Variants in BACE2 observed in about 807,000 individuals in gnomAD.
BACE2 encodes 56 kDa aspartic-like protease.
Under a neutral mutation model 46.2 loss-of-function variants are expected in BACE2, and 17 were observed. That is an observed-to-expected ratio of 0.37 (90% confidence interval 0.25 to 0.55). The LOEUF (loss-of-function observed/expected upper bound fraction) is 0.55. Among genes scored for constraint, BACE2 ranks in the 20% least tolerant of loss-of-function variants. The pLI is 0.82. For synonymous variants in BACE2, 277 were observed against 295.9 expected (o/e 0.94, Z 0.66); for missense variants, 595 against 698.1 (o/e 0.85, Z 1.66).
intron 8 of BACE2, among the ~76,000 whole-genome samples, chr21:41,259,128 C>T (rs944244356): frequency 3.3e-5 from 5 of 152,190 alleles, no homozygotes; most frequent in Non-Finnish European, 7.3e-5. Context: ...TTTGTTTTCT[C>T]AGTGAATTAC....
In BACE2 at chr21:41,281,288, A is replaced by G. The variant is rs1482592916; in HGVS notation, c.*5664A>G. On this transcript the variant is annotated 3_prime_UTR_variant, in exon 9 of 9. Transcript: ENST00000330333. ...GTAGATTTATAATTAGAAATGACAG[A>G]TTTATAATATAGACTTCAGTAAGTT... The G allele has an allele frequency of 6.6e-6, 1 of 152,228 alleles. No individual in the cohort carries two copies. The highest frequency in any genetic ancestry group is 2.4e-5 in the African/African-American group (1 of 41,460). The allele number at this position is 152,228 out of a possible 1,614,324, so 9.4% of individuals were successfully genotyped here. A position where few individuals can be genotyped will look rare whatever the true frequency, so the allele number is the denominator to read the frequency against.
chr21:41,216,662 A>C (rs1196756166), intron 1 of BACE2, among the ~76,000 whole-genome samples: 1 of 152,202 alleles, frequency 6.6e-6, no homozygotes, highest in East Asian at 1.9e-4. Flanking sequence ...GGAGGGAAGC[A>C]GGGTGAAGCG....
chr21:41,242,430 C>T (rs1043132248), intron 4 of BACE2, among the ~76,000 whole-genome samples: 4 of 152,134 alleles, frequency 2.6e-5, no homozygotes, highest in Non-Finnish European at 5.9e-5. Flanking sequence ...GTCAGCACTA[C>T]GGAGGTGCTG....
At position 41,237,498 on chromosome 21, in the gene BACE2, C is replaced by A; in HGVS notation, c.402-15C>A. On this transcript the variant is annotated splice_polypyrimidine_tract_variant and intron_variant, in intron 2 of 8. Transcript: ENST00000330333. ...AATAAAATGAATACAATATGCTTTTCTTTTCTTTCTCCAGGTCTAGCACAT... is the reference window on the plus strand; with the variant it reads ...AATAAAATGAATACAATATGCTTTTATTTTCTTTCTCCAGGTCTAGCACAT... 1 of 1,555,774 alleles carries A rather than the reference C, an allele frequency of 6.4e-7. No individual in the cohort carries two copies. The highest frequency in any genetic ancestry group is 8.7e-7 in the Non-Finnish European group (1 of 1,142,960).
intron 3 of BACE2, among the ~76,000 whole-genome samples, chr21:41,238,128 G>T (rs1338689417): frequency 3.3e-5 from 5 of 152,220 alleles, no homozygotes; most frequent in Non-Finnish European, 5.9e-5. Context: ...ATGCAGGCAG[G>T]GGGTGGTGCC....
At chr21:41,217,995 A>C (rs1047814519) in intron 1 of BACE2, among the ~76,000 whole-genome samples, 1 of 152,258 alleles carries the variant, frequency 6.6e-6, no homozygotes, top group African/African-American at 2.4e-5. Context: ...TCTGACCTCC[A>C]GAACTGCCAG....
chr21:41,198,554 G>C (rs1985822562), intron 1 of BACE2, among the ~76,000 whole-genome samples: 1 of 152,212 alleles, frequency 6.6e-6, no homozygotes, highest in Non-Finnish European at 1.5e-5. Context: ...TACCAAAGCA[G>C]TTCCAGATAG....
At chr21:41,241,683 G>A (rs768782015) in intron 3 of BACE2, 136 bp from the exon 4 acceptor site, 116 of 963,544 alleles carry the variant, frequency 1.2e-4, no homozygotes, top group Non-Finnish European at 1.7e-4. Context: ...CCAATCACAA[G>A]CTGGTGTACT....
At chr21:41,175,270 C>G (rs996082873) in intron 1 of BACE2, 9 of 152,184 alleles carry the variant, frequency 5.9e-5, no homozygotes, top group African/African-American at 1.9e-4. Flanking sequence ...CAATCATATA[C>G]CTGCACCTAG....
In BACE2 at chr21:41,241,914, C is replaced by T. The variant is rs572885135; in HGVS notation, c.714C>T (p.Pro238=). The T allele has an allele frequency of 4.4e-4, 717 of 1,614,132 alleles. 3 individuals carry two copies. The highest frequency in any genetic ancestry group is 6.5e-4 in the South Asian group (59 of 91,074). The change falls in exon 4 of 9, where the codon CCC becomes CCT. Residue 238 remains proline, a synonymous_variant. Transcript: ENST00000330333. ...TGCAGATGTGTGGAGCCGGCTTGCC[C>T]GTTGCTGGATCTGGGACCAACGGAG... ...FSMQMCGAGL[P]VAGSGTNGGS... is the part of the protein sequence containing the mutation.
intron 1 of BACE2, among the ~76,000 whole-genome samples, chr21:41,172,585 C>A (rs779873736): frequency 6.6e-5 from 10 of 152,204 alleles, no homozygotes; most frequent in Admixed American, 1.3e-4. Context: ...CACGTCACTG[C>A]CGTTCCTCCT....
intron 5 of BACE2, among the ~76,000 whole-genome samples, chr21:41,245,495 A>C (rs1381538637): frequency 6.6e-6 from 1 of 152,256 alleles, no homozygotes; most frequent in East Asian, 1.9e-4. Context: ...CCCAGTGCAA[A>C]TATGGGATGT....
In BACE2 at chr21:41,168,166, G is replaced by C. The variant is rs934691574; in HGVS notation, c.-98G>C. 1 of 680,636 alleles carries C rather than the reference G, an allele frequency of 1.5e-6. No individual in the cohort carries two copies. The highest frequency in any genetic ancestry group is 2.0e-5 in the African/African-American group (1 of 51,238). The allele number at this position is 680,636 out of a possible 1,614,324, so 42.2% of individuals were successfully genotyped here. ...CCGGTCCCGGTGCGCGCCCATCCCT[G>C]CCCGCAGCCCCGCGCGCCGGCCGAG... On this transcript the variant is annotated 5_prime_UTR_variant, in exon 1 of 9. Coordinates refer to ENST00000330333, the MANE Select transcript of BACE2 (RefSeq NM_012105.5).
intron 1 of BACE2, chr21:41,186,716 T>C (rs1185763271): frequency 2.0e-5 from 3 of 152,262 alleles, no homozygotes; most frequent in Non-Finnish European, 2.9e-5. Flanking sequence ...TGGAAGCAGC[T>C]GTGCACAGCA....
chr21:41,270,255 CT>C (rs1465824442), intron 8 of BACE2, among the ~76,000 whole-genome samples: 3 of 152,120 alleles, frequency 2.0e-5, no homozygotes, highest in African/African-American at 7.2e-5. Flanking sequence ...AGAAATTTGG[CT>C]TTCAAATATT....
chr21:41,243,531 G>A, intron 5 of BACE2, 21 bp downstream of exon 5: 1 of 1,593,926 alleles, frequency 6.3e-7, no homozygotes, highest in Non-Finnish European at 8.5e-7. Context: ...TATGGTCTCT[G>A]TTGTGTCTTT....
rs961947480 is a variant in BACE2 at position 41,275,874 on chromosome 21, G to T, written c.*250G>T. On this transcript the variant is annotated 3_prime_UTR_variant, in exon 9 of 9. Transcript: ENST00000330333. ...TCTAAACCAAAACAGAGTGGATTGG[G>T]CTGCAGGCTCTATGGGGTTCGTTAT... 11 of 522,510 alleles carry T rather than the reference G, an allele frequency of 2.1e-5. No homozygotes were observed. Among genetic ancestry groups the T allele is most frequent in the Non-Finnish European group, 3.7e-5 (11 of 296,696 alleles). The allele number at this position is 522,510 out of a possible 1,614,324, so 32.4% of individuals were successfully genotyped here.
chr21:41,242,256 G>A (rs757478689), intron 4 of BACE2, among the ~76,000 whole-genome samples: 4 of 151,926 alleles, frequency 2.6e-5, no homozygotes, highest in African/African-American at 7.3e-5. Context: ...GGTGGGGGGC[G>A]TGGTGAGTGG....
intron 1 of BACE2, among the ~76,000 whole-genome samples, chr21:41,207,100 G>C (rs79443076): frequency 0.016 from 2,393 of 152,282 alleles, 46 homozygotes; most frequent in African/African-American, 0.052. Flanking sequence ...TGAGAACTAA[G>C]ACATTACACC....
Sources: allele counts gnomAD v4.1 joint callset (sites outside exome capture counted in the v4.1 genomes callset), GRCh38; gene constraint gnomAD v4.1.1; transcripts MANE v1.5; gene names NCBI Gene and HGNC (gene_info 2026-07-23, HGNC 2026-07-21).